CDADC1: variants seen among roughly 807,000 people sequenced by gnomAD.
CDADC1 encodes cytidine and dCMP deaminase domain containing 1.
In CDADC1, 39 loss-of-function variants were observed where a neutral mutation model predicts 54.9. The ratio of observed to expected loss-of-function variants is 0.71; its 90% CI spans 0.55 to 0.93. CDADC1 has a LOEUF of 0.93. Among genes scored for constraint, CDADC1 ranks in the 40% least tolerant of loss-of-function variants. CDADC1 has a pLI of 0.00. For missense variants in CDADC1, 518 were observed against 618.8 expected, an observed-to-expected ratio of 0.84 and a Z score of 1.73; for synonymous variants, 186 against 204.0, an observed-to-expected ratio of 0.91 and a Z score of 0.75.
At chr13:49,252,314 G>A (rs1952453858) in intron 2 of CDADC1, among the ~76,000 whole-genome samples, 1 of 152,192 alleles carries the variant, frequency 6.6e-6, no homozygotes, top group African/African-American at 2.4e-5. Context: ...CACTTGGGGA[G>A]GGAGAGCCTC....
At chr13:49,289,067 T>G (rs1228708841) in intron 9 of CDADC1, among the ~76,000 whole-genome samples, 7 of 151,250 alleles carry the variant, frequency 4.6e-5, no homozygotes, top group South Asian at 2.1e-4. Flanking sequence ...ATTAAACTTA[T>G]TAGTAGTCAG....
intron 1 of CDADC1, 169 bp downstream of exon 1, chr13:49,248,288 G>A: frequency 1.7e-6 from 1 of 588,776 alleles, no homozygotes; most frequent in Non-Finnish European, 3.0e-6. Context: ...AGGACCAATC[G>A]GCTCGGTCGC....
chr13:49,290,521 C>T (rs941822010), intron 9 of CDADC1, among the ~76,000 whole-genome samples: 3 of 152,104 alleles, frequency 2.0e-5, no homozygotes, highest in East Asian at 3.8e-4. Context: ...TGAGCCCTGG[C>T]CCAGGTGTCC....
In CDADC1 at chr13:49,274,270, T is replaced by A. The variant is rs772977706; in HGVS notation, c.1001-21T>A. Reference sequence around the variant, plus strand: ...TAACATATCATAATTTTTACTGAGTTAAATGCCATATATCTTTCAGAGGAT... The same window carrying A: ...TAACATATCATAATTTTTACTGAGTAAAATGCCATATATCTTTCAGAGGAT... On this transcript the variant is annotated intron_variant, in intron 5 of 9. Transcript: ENST00000251108. 10 of 1,588,492 alleles carry A rather than the reference T, an allele frequency of 6.3e-6. No individual in the cohort carries two copies. In the East Asian group the frequency reaches 2.0e-4, roughly 32 times the overall value.
chr13:49,255,619 A>G (rs1001120741), intron 2 of CDADC1, among the ~76,000 whole-genome samples: 41 of 152,100 alleles, frequency 2.7e-4, no homozygotes, highest in Non-Finnish European at 1.0e-4. Context: ...CAATCCTTCT[A>G]TGTTTTGGGA....
intron 8 of CDADC1, among the ~76,000 whole-genome samples, chr13:49,281,932 C>A (rs950691454): frequency 2.3e-5 from 3 of 133,142 alleles, no homozygotes; most frequent in East Asian, 2.8e-4. Context: ...CCCCTCCCCC[C>A]ACCCCCCAGT....
intron 9 of CDADC1, among the ~76,000 whole-genome samples, chr13:49,291,130 GA>G (rs1336265977): frequency 1.3e-5 from 2 of 149,740 alleles, no homozygotes; most frequent in African/African-American, 4.9e-5. Context: ...AAAGTTTTAT[GA>G]ATTACTTGCC....
chr13:49,278,988 C>T (rs2274148), intron 7 of CDADC1, among the ~76,000 whole-genome samples: 4,302 of 152,198 alleles, frequency 0.028, 108 homozygotes, highest in East Asian at 0.12. Flanking sequence ...TAACATCACA[C>T]GTTACCTTTT....
chr13:49,266,429 A>G (rs1270662216), intron 4 of CDADC1, among the ~76,000 whole-genome samples: 1 of 152,156 alleles, frequency 6.6e-6, no homozygotes, highest in Non-Finnish European at 1.5e-5. Context: ...GCTCTAATGA[A>G]TTGAAATATT....
intron 5 of CDADC1, among the ~76,000 whole-genome samples, chr13:49,268,497 A>G (rs559836538): frequency 6.6e-6 from 1 of 152,058 alleles, no homozygotes; most frequent in African/African-American, 2.4e-5. Flanking sequence ...CTCGACTCTA[A>G]CAAAAAAATT....
At chr13:49,290,945 C>T (rs1371512145) in intron 9 of CDADC1, among the ~76,000 whole-genome samples, 2 of 152,068 alleles carry the variant, frequency 1.3e-5, no homozygotes, top group African/African-American at 2.4e-5. Context: ...ACACAAAAGC[C>T]AGGAAGAGGT....
intron 2 of CDADC1, among the ~76,000 whole-genome samples, chr13:49,254,212 A>G (rs998405783): frequency 3.9e-5 from 6 of 152,144 alleles, no homozygotes; most frequent in African/African-American, 1.4e-4. Context: ...CACTGATACC[A>G]TCACTTCCTC....
chr13:49,257,383 C>A (rs1474995745), intron 3 of CDADC1, among the ~76,000 whole-genome samples: 1 of 152,200 alleles, frequency 6.6e-6, no homozygotes, highest in East Asian at 1.9e-4. Context: ...GAAATCATTC[C>A]CTTGCAGCCA....
chr13:49,248,218 C>A, intron 1 of CDADC1, 99 bp downstream of exon 1: 1 of 1,083,314 alleles, frequency 9.2e-7, no homozygotes, highest in African/African-American at 1.6e-5. Context: ...GCCTCTTTGC[C>A]TCCCCTGCTG....
chr13:49,280,475 C>G (rs768520675), intron 7 of CDADC1, 34 bp from the exon 8 acceptor site: 1 of 1,166,538 alleles, frequency 8.6e-7, no homozygotes, highest in Non-Finnish European at 1.2e-6. Flanking sequence ...CTTTCAGAAA[C>G]GACCTTTCTG....
chr13:49,264,206 C>T (rs1952755703), intron 4 of CDADC1, among the ~76,000 whole-genome samples: 2 of 152,136 alleles, frequency 1.3e-5, no homozygotes, highest in African/African-American at 4.8e-5. Flanking sequence ...TTGGCAATAA[C>T]GTAATTCACA....
At chr13:49,266,457 T>C (rs1369054865) in intron 4 of CDADC1, among the ~76,000 whole-genome samples, 3 of 152,228 alleles carry the variant, frequency 2.0e-5, no homozygotes, top group African/African-American at 7.2e-5. Context: ...TATTAAACAT[T>C]ACTAACCTTT....
chr13:49,274,404 C>A, intron 6 of CDADC1, 64 bp downstream of exon 6: 1 of 1,312,884 alleles, frequency 7.6e-7, no homozygotes. Flanking sequence ...GTTCAGTCTT[C>A]GGTGCATTAC....
chr13:49,263,429 C>T lies in CDADC1; in HGVS notation c.430+3906C>T, dbSNP rs560585008. On this transcript the variant is annotated intron_variant, in intron 4 of 9. Coordinates refer to ENST00000251108, the MANE Select transcript of CDADC1 (RefSeq NM_030911.4). The stretch of plus-strand genomic sequence containing the variant: ...TCCGGATGACCAATGCACAATGCTA[C>T]AAAATCATGCATGAGTAAAAGCCAT... Among the ~76,000 whole-genome samples, 3 of 152,198 alleles carry T rather than the reference C, an allele frequency of 2.0e-5. No homozygotes were observed. The South Asian group carries it at 6.2e-4, about 32-fold the overall frequency.
Sources: gnomAD v4.1 joint callset for allele counts (sites outside exome capture counted in the v4.1 genomes callset) on GRCh38, gnomAD v4.1.1 for gene constraint, MANE v1.5 for transcripts, NCBI Gene and HGNC (gene_info 2026-07-23, HGNC 2026-07-21) for gene names.